The following LASP1 variants were observed in gnomAD, a reference collection of about 807,000 sequenced individuals.
LASP1 encodes LIM and SH3 domain protein 1.
Under a neutral mutation model 38.6 loss-of-function variants are expected in LASP1, and 10 were observed. The observed-to-expected ratio is 0.26, with a 90% CI of 0.16 to 0.44. LASP1 has a LOEUF of 0.44. LASP1 is among the 20% of genes least tolerant of loss of function. LASP1 has a pLI of 1.00. For missense variants in LASP1, 243 were observed against 375.7 expected, an observed-to-expected ratio of 0.65 and a Z score of 2.92; for synonymous variants, 132 against 140.8, an observed-to-expected ratio of 0.94 and a Z score of 0.44.
intron 4 of LASP1, among the ~76,000 whole-genome samples, chr17:38,903,244 C>T (rs73297197): frequency 0.043 from 6,605 of 152,158 alleles, 350 homozygotes; most frequent in African/African-American, 0.12. Context: ...CATTCTGGGG[C>T]CAGGCAGGGC....
At chr17:38,899,564 A>G (rs116876707) in intron 4 of LASP1, among the ~76,000 whole-genome samples, 1 of 152,164 alleles carries the variant, frequency 6.6e-6, no homozygotes, top group South Asian at 2.1e-4. Flanking sequence ...TCAGAAGCAC[A>G]GGCAGCCCAC....
chr17:38,891,558 C>T (rs1164839361), intron 3 of LASP1, among the ~76,000 whole-genome samples: 7 of 152,074 alleles, frequency 4.6e-5, no homozygotes, highest in African/African-American at 7.2e-5. Context: ...TGAGGTCCTG[C>T]GGGTAGGAGA....
intron 2 of LASP1, among the ~76,000 whole-genome samples, chr17:38,888,925 G>T (rs899349679): frequency 2.0e-5 from 3 of 152,312 alleles, no homozygotes; most frequent in Non-Finnish European, 4.4e-5. Flanking sequence ...GCTAAGTTCA[G>T]CATGAACTGA....
intron 2 of LASP1, among the ~76,000 whole-genome samples, chr17:38,881,121 C>T (rs779226219): frequency 6.6e-6 from 1 of 151,532 alleles, no homozygotes; most frequent in Non-Finnish European, 1.5e-5. Flanking sequence ...AACAAACAAA[C>T]TAAAGATAAA....
intron 1 of LASP1, among the ~76,000 whole-genome samples, chr17:38,871,352 C>A (rs1913603942): frequency 6.6e-6 from 1 of 152,018 alleles, no homozygotes; most frequent in South Asian, 2.1e-4. Flanking sequence ...CCCTCTGCAT[C>A]CCCTCCCCAG....
chr17:38,888,046 A>C (rs910935590), intron 2 of LASP1, among the ~76,000 whole-genome samples: 1 of 152,058 alleles, frequency 6.6e-6, no homozygotes, highest in Admixed American at 6.5e-5. Context: ...GGCTGTGGTC[A>C]CCCAGGGCTA....
At chr17:38,888,797 A>C (rs1914218087) in intron 2 of LASP1, among the ~76,000 whole-genome samples, 3 of 152,318 alleles carry the variant, frequency 2.0e-5, no homozygotes, top group South Asian at 2.1e-4. Flanking sequence ...GAAATGAGGG[A>C]GTTGGACCAG....
chr17:38,878,228 C>G, intron 2 of LASP1, 48 bp downstream of exon 2: 1 of 1,271,156 alleles, frequency 7.9e-7, no homozygotes, highest in Non-Finnish European at 1.1e-6. Context: ...TTGGCTCCCT[C>G]CCCGAGTGAG....
intron 5 of LASP1, 198 bp from the exon 6 acceptor site, chr17:38,914,845 A>G (rs762758766): frequency 1.2e-5 from 7 of 607,586 alleles, no homozygotes; most frequent in Non-Finnish European, 8.8e-6. Flanking sequence ...AGAGGCCCCC[A>G]GGTCATGGGG....
At chr17:38,912,466 G>A (rs887323878) in intron 4 of LASP1, among the ~76,000 whole-genome samples, 14 of 152,014 alleles carry the variant, frequency 9.2e-5, no homozygotes, top group African/African-American at 3.4e-4. Context: ...GGGTGCCGCT[G>A]GGCCAGGGTG....
chr17:38,914,877 A>G (rs1195580634), intron 5 of LASP1, 166 bp from the exon 6 acceptor site: 9 of 666,070 alleles, frequency 1.4e-5, no homozygotes, highest in Non-Finnish European at 1.6e-5. Context: ...TGCGTGGGAT[A>G]CAACACACAG....
chr17:38,870,768 A>G (rs1009286070), intron 1 of LASP1, among the ~76,000 whole-genome samples: 2 of 152,050 alleles, frequency 1.3e-5, no homozygotes, highest in African/African-American at 4.8e-5. Flanking sequence ...GGCGGGGGCT[A>G]TCAGCCTGCG....
At chr17:38,915,616 C>G (rs1023382945) in intron 6 of LASP1, 1 of 152,898 alleles carries the variant, frequency 6.5e-6, no homozygotes, top group Non-Finnish European at 1.5e-5. Flanking sequence ...CTTTTTCCAA[C>G]TAAAAAGAGC....
chr17:38,903,460 A>G (rs1914697725), intron 4 of LASP1, among the ~76,000 whole-genome samples: 1 of 152,188 alleles, frequency 6.6e-6, no homozygotes, highest in Non-Finnish European at 1.5e-5. Flanking sequence ...CTTGGGCACA[A>G]GTGGTCCTCT....
chr17:38,900,628 G>A (rs1021665726), intron 4 of LASP1, among the ~76,000 whole-genome samples: 2 of 152,074 alleles, frequency 1.3e-5, no homozygotes, highest in Non-Finnish European at 1.5e-5. Flanking sequence ...AGTCGAGATC[G>A]GGCCACTGCA....
At chr17:38,908,581 G>A (rs922178040) in intron 4 of LASP1, among the ~76,000 whole-genome samples, 3 of 152,244 alleles carry the variant, frequency 2.0e-5, no homozygotes, top group Admixed American at 6.5e-5. Context: ...GTGCTGCCAC[G>A]TGGGTGCCGG....
intron 4 of LASP1, chr17:38,899,237 A>T: frequency 5.8e-6 from 1 of 172,654 alleles, no homozygotes; most frequent in East Asian, 1.4e-4. Context: ...AGCAGCAACC[A>T]TGGGGGATGC....
chr17:38,910,951 G>C (rs1325196954), intron 4 of LASP1, among the ~76,000 whole-genome samples: 8 of 152,098 alleles, frequency 5.3e-5, no homozygotes, highest in African/African-American at 1.7e-4. Context: ...TCAAACTCCT[G>C]ACCTCAGGTG....
rs1484356216 is a variant in LASP1, at chr17:38,919,997, TGA to T, written c.*1223_*1224del. On this transcript the variant is annotated 3_prime_UTR_variant, in exon 7 of 7. Coordinates refer to ENST00000318008, the MANE Select transcript of LASP1 (RefSeq NM_006148.4). ...CTGAGAGTTTCCTCAGAACCCACAG[TGA>T]GAGGGGAGGGCTCCTGGGGCAGAGA... 8 of 535,058 alleles carry T rather than the reference TGA, an allele frequency of 1.5e-5. No homozygotes were observed. In the East Asian group the frequency reaches 3.1e-4, roughly 21 times the overall value. The allele number at this position is 535,058 out of a possible 1,614,324, so 33.1% of individuals were successfully genotyped here.
Sources: gnomAD v4.1 joint callset for allele counts (sites outside exome capture counted in the v4.1 genomes callset) on GRCh38, gnomAD v4.1.1 for gene constraint, MANE v1.5 for transcripts, NCBI Gene and HGNC (gene_info 2026-07-23, HGNC 2026-07-21) for gene names.